SPATA9: variants seen among roughly 807,000 people sequenced by gnomAD.
The protein encoded by SPATA9 is spermatogenesis-associated protein 9.
A neutral mutation model predicts 25.5 loss-of-function variants in SPATA9; 27 were observed. The ratio of observed to expected loss-of-function variants is 1.06; its 90% CI spans 0.78 to 1.46. The LOEUF is 1.46. SPATA9 is among the 40% of genes most tolerant of loss of function. SPATA9 has a pLI of 0.00. For synonymous variants in SPATA9, 102 were observed against 105.7 expected (o/e 0.97, Z 0.21); for missense variants, 282 against 297.5 (o/e 0.95, Z 0.38).
intron 1 of SPATA9, among the ~76,000 whole-genome samples, chr5:95,689,228 A>G (rs1048813631): frequency 1.3e-5 from 2 of 152,178 alleles, no homozygotes; most frequent in South Asian, 2.1e-4. Flanking sequence ...GGTAAATAAT[A>G]CCGACTATAT....
chr5:95,657,989 C>T (rs1349897075), downstream of SPATA9: 4 of 152,142 alleles, frequency 2.6e-5, no homozygotes, highest in Non-Finnish European at 5.9e-5. Flanking sequence ...CTCATAGGAG[C>T]CACTGGCAAT....
At chr5:95,676,370 CTG>C (rs1002383061) in intron 2 of SPATA9, among the ~76,000 whole-genome samples, 22 of 152,342 alleles carry the variant, frequency 1.4e-4, no homozygotes, top group African/African-American at 4.8e-4. Context: ...GCAGTGTACA[CTG>C]TACCAAATGC....
rs897994003 is a variant in SPATA9, at chr5:95,658,472, T to C, written c.*151A>G. On this transcript the variant is annotated 3_prime_UTR_variant, in exon 5 of 5. Transcript: ENST00000274432. ...CATTTTATTTACTCTATCATGTAAATACTAGAAAATGACATTTTAATAGTA... is the reference window on the plus strand; with the variant it reads ...CATTTTATTTACTCTATCATGTAAACACTAGAAAATGACATTTTAATAGTA... 1 of 615,808 alleles carries C rather than the reference T, an allele frequency of 1.6e-6. No homozygotes were observed. Among genetic ancestry groups the C allele is most frequent in the African/African-American group, 2.1e-5 (1 of 48,754 alleles). 38.1% of individuals were successfully genotyped at this position (615,808 alleles called of 1,614,324 possible).
At chr5:95,690,586 A>G (rs1753856183) in intron 1 of SPATA9, among the ~76,000 whole-genome samples, 2 of 152,212 alleles carry the variant, frequency 1.3e-5, no homozygotes, top group African/African-American at 4.8e-5. Context: ...GAATCAGGCC[A>G]TCACCATGCT....
At chr5:95,711,537 A>G in the SPATA9 span, among the ~76,000 whole-genome samples, 1 of 152,332 alleles carries the variant, frequency 6.6e-6, no homozygotes, top group Admixed American at 6.5e-5. Context: ...CAGTGGTAGT[A>G]GAGGGGCTGC....
chr5:95,660,637 A>G (rs1219490871), intron 4 of SPATA9, among the ~76,000 whole-genome samples: 1 of 152,162 alleles, frequency 6.6e-6, no homozygotes, highest in East Asian at 1.9e-4. Flanking sequence ...CTGTGAATTC[A>G]TGTTGCAAAA....
chr5:95,708,963 G>A, the SPATA9 span: 1 of 234,436 alleles, frequency 4.3e-6, no homozygotes, highest in Admixed American at 5.1e-5. Flanking sequence ...CAGTTTTAAG[G>A]GGCCTGATCC....
Position 95,680,372 on chromosome 5 carries a change from A to T in SPATA9, c.150+2156T>A, listed in dbSNP as rs1334439301. Reference sequence around the variant, plus strand: ...TAAGTAAATTTTCTGGGTAACTAAAATTTTTTCCACTTAGTGTTGGCTAAA... The same window carrying T: ...TAAGTAAATTTTCTGGGTAACTAAATTTTTTTCCACTTAGTGTTGGCTAAA... On this transcript the variant is annotated intron_variant, in intron 2 of 4. Coordinates refer to ENST00000274432, the MANE Select transcript of SPATA9 (RefSeq NM_031952.4). Among the ~76,000 whole-genome samples, 4 of 152,122 alleles carry T rather than the reference A, an allele frequency of 2.6e-5. No individual in the cohort carries two copies. In the South Asian group the frequency reaches 6.2e-4, roughly 24 times the overall value.
intron 1 of SPATA9, among the ~76,000 whole-genome samples, chr5:95,698,170 T>A (rs911585668): frequency 3.3e-5 from 5 of 152,170 alleles, no homozygotes; most frequent in Admixed American, 6.6e-5. Flanking sequence ...AAGGAATAAA[T>A]AAGGCATTGC....
At chr5:95,653,998 C>A (rs76098529), downstream of SPATA9, 33,737 of 1,403,842 alleles carry the variant, frequency 0.024, 514 homozygotes, top group Non-Finnish European at 0.027. Context: ...AGGGTTATCT[C>A]CATTAAGCTG....
intron 3 of SPATA9, among the ~76,000 whole-genome samples, chr5:95,665,930 T>C (rs1293204740): frequency 6.6e-6 from 1 of 152,186 alleles, no homozygotes; most frequent in Non-Finnish European, 1.5e-5. Context: ...AATCATGCCA[T>C]TGCACTCCAG....
chr5:95,660,496 T>G (rs1751164341), intron 4 of SPATA9, among the ~76,000 whole-genome samples: 1 of 152,188 alleles, frequency 6.6e-6, no homozygotes, highest in African/African-American at 2.4e-5. Flanking sequence ...CTTTATCGAT[T>G]AAGATACTGT....
chr5:95,728,659 G>A, the SPATA9 span, among the ~76,000 whole-genome samples: 1 of 152,154 alleles, frequency 6.6e-6, no homozygotes, highest in African/African-American at 2.4e-5. Flanking sequence ...TAATTAATAT[G>A]TCAGAGGGGT....
At chr5:95,675,677 T>A in intron 2 of SPATA9, 38 bp from the exon 3 acceptor site, 2 of 1,564,672 alleles carry the variant, frequency 1.3e-6, no homozygotes, top group Non-Finnish European at 8.8e-7. Flanking sequence ...TGATGTGTAA[T>A]CTCCAGTGCA....
chr5:95,711,274 A>T, the SPATA9 span, among the ~76,000 whole-genome samples: 1 of 152,128 alleles, frequency 6.6e-6, no homozygotes, highest in African/African-American at 2.4e-5. Context: ...GATGCAAGGA[A>T]GTGCTTTCTG....
the SPATA9 span, among the ~76,000 whole-genome samples, chr5:95,724,264 A>G: frequency 6.6e-6 from 1 of 152,240 alleles, no homozygotes; most frequent in Non-Finnish European, 1.5e-5. Context: ...CTCATTTTTC[A>G]GTCCCATTAT....
chr5:95,683,164 C>T (rs1437765978), upstream of SPATA9: 1 of 270,506 alleles, frequency 3.7e-6, no homozygotes, highest in Non-Finnish European at 5.7e-6. Flanking sequence ...TGAAATTTGT[C>T]CCAAATTCTG....
At chr5:95,671,832 A>C (rs1364609912) in intron 3 of SPATA9, among the ~76,000 whole-genome samples, 1 of 152,160 alleles carries the variant, frequency 6.6e-6, no homozygotes, top group Non-Finnish European at 1.5e-5. Flanking sequence ...CACATGGCAG[A>C]CTGAGCTAAT....
At chr5:95,656,432 C>T, downstream of SPATA9, 1 of 707,600 alleles carries the variant, frequency 1.4e-6, no homozygotes, top group Non-Finnish European at 2.3e-6. Context: ...AATTCACATA[C>T]ATTTGAGAGG....
Sources: gnomAD v4.1 joint callset for allele counts (sites outside exome capture counted in the v4.1 genomes callset) on GRCh38, gnomAD v4.1.1 for gene constraint, MANE v1.5 for transcripts, NCBI Gene and HGNC (gene_info 2026-07-23, HGNC 2026-07-21) for gene names.